CUX2: variants seen among roughly 807,000 people sequenced by gnomAD.
The protein encoded by CUX2 is cut like homeobox 2.
Under a neutral mutation model 144.8 loss-of-function variants are expected in CUX2, and 40 were observed. The ratio of observed to expected loss-of-function variants is 0.28; its 90% CI spans 0.21 to 0.36. The LOEUF is 0.36. Ranked by LOEUF, CUX2 falls within the 10% of genes least tolerant of loss-of-function variation. The pLI is 1.00. For missense variants in CUX2, 1,615 were observed against 1,994.0 expected, an observed-to-expected ratio of 0.81 and a Z score of 3.62; for synonymous variants, 827 against 875.6, an observed-to-expected ratio of 0.94 and a Z score of 0.98.
intron 1 of CUX2, among the ~76,000 whole-genome samples, chr12:111,193,701 C>G (rs747351326): frequency 6.6e-6 from 1 of 152,152 alleles, no homozygotes; most frequent in South Asian, 2.1e-4. Context: ...CGGGGGCTGC[C>G]GGCTGGGCCT....
chr12:111,220,611 A>G (rs908272547), intron 3 of CUX2, among the ~76,000 whole-genome samples: 4 of 151,886 alleles, frequency 2.6e-5, no homozygotes. Flanking sequence ...TAAGGCTAAC[A>G]ATAAGGATTC....
In CUX2 at chr12:111,263,152, C is replaced by G. The variant is rs1405343881; in HGVS notation, c.223-609C>G. Among the ~76,000 whole-genome samples the G allele has an allele frequency of 6.6e-6, 1 of 152,214 alleles. No homozygotes were observed. Among genetic ancestry groups the G allele is most frequent in the Non-Finnish European group, 1.5e-5 (1 of 68,044 alleles). ...TAACCTTCATTTCTCCTTCTTGCCC[C>G]TCCCCTATCCCATGTTTGCACAAGT... On this transcript the variant is annotated intron_variant, in intron 3 of 21. Transcript: ENST00000261726. The surrounding 1 kb of genome is among the most constrained non-coding windows in gnomAD (Gnocchi z 4.0).
At chr12:111,197,338 G>T (rs1880301438) in intron 1 of CUX2, among the ~76,000 whole-genome samples, 1 of 152,156 alleles carries the variant, frequency 6.6e-6, no homozygotes, top group South Asian at 2.1e-4. Context: ...CCCAGGACTG[G>T]ATCAATGCCA....
rs927622031 is a variant in CUX2 at position 111,255,700 on chromosome 12, C to G, written c.223-8061C>G. Among the ~76,000 whole-genome samples the G allele has an allele frequency of 1.3e-5, 2 of 152,200 alleles. No individual in the cohort carries two copies. The highest frequency in any genetic ancestry group is 2.4e-5 in the African/African-American group (1 of 41,444). On this transcript the variant is annotated intron_variant, in intron 3 of 21. Transcript: ENST00000261726. The surrounding 1 kb of genome is among the most constrained non-coding windows in gnomAD (Gnocchi z 4.1). ...TTAAATGGGATAGTCACACCCGCAGCGTGATGAGGGTTAAGCTAATGTGCA... is the reference window on the plus strand; with the variant it reads ...TTAAATGGGATAGTCACACCCGCAGGGTGATGAGGGTTAAGCTAATGTGCA...
intron 3 of CUX2, among the ~76,000 whole-genome samples, chr12:111,262,288 A>C (rs1283847625): frequency 1.3e-5 from 2 of 152,142 alleles, no homozygotes; most frequent in Admixed American, 1.3e-4. Context: ...TTGTTGAGGG[A>C]ATGAGAGACT....
intron 1 of CUX2, among the ~76,000 whole-genome samples, chr12:111,156,999 A>C (rs1240971482): frequency 6.6e-6 from 1 of 150,948 alleles, no homozygotes; most frequent in Non-Finnish European, 1.5e-5. Context: ...AAAAAAAAAA[A>C]AAAAAAAAAA....
intron 3 of CUX2, among the ~76,000 whole-genome samples, chr12:111,262,864 A>G (rs897980480): frequency 6.6e-6 from 1 of 152,208 alleles, no homozygotes; most frequent in Non-Finnish European, 1.5e-5. Context: ...CTCCTAAAAC[A>G]TGTATCATAT....
chr12:111,238,115 G>A (rs929162882), intron 3 of CUX2, among the ~76,000 whole-genome samples: 10 of 152,126 alleles, frequency 6.6e-5, no homozygotes, highest in African/African-American at 1.7e-4. Flanking sequence ...CACTGCCTTG[G>A]GAAGGCCTTC....
chr12:111,095,341 C>T (rs911475898), intron 1 of CUX2, among the ~76,000 whole-genome samples: 17 of 152,090 alleles, frequency 1.1e-4, no homozygotes, highest in African/African-American at 4.1e-4. Context: ...CGTCTGTAGT[C>T]CCAGCTATTC....
In CUX2 at chr12:111,322,253, G is replaced by C. The variant is rs1367958144; in HGVS notation, c.2767-168G>C. ...GAATCATTTGAACCTGGGAGGCGGA[G>C]TTTGCAGTGAGCTGAGATGGTGCCA... On this transcript the variant is annotated intron_variant, in intron 17 of 21. Transcript: ENST00000261726. The surrounding 1 kb of genome is among the most constrained non-coding windows in gnomAD (Gnocchi z 4.2). Among the ~76,000 whole-genome samples, 2 of 149,584 alleles carry C rather than the reference G, an allele frequency of 1.3e-5. No individual in the cohort carries two copies. The highest frequency in any genetic ancestry group is 4.9e-5 in the African/African-American group (2 of 40,700).
intron 1 of CUX2, among the ~76,000 whole-genome samples, chr12:111,111,467 T>C (rs1467375293): frequency 2.0e-5 from 3 of 152,120 alleles, no homozygotes; most frequent in African/African-American, 7.2e-5. Flanking sequence ...GTCTCCCCGA[T>C]CTCCAAGGCC....
rs541551164 is a variant in CUX2 at position 111,233,837 on chromosome 12, T to C, written c.222+15900T>C. 3.5e-4 allele frequency among the ~76,000 whole-genome samples: 54 copies of C among 152,334 alleles called. No homozygotes were observed. The South Asian group carries it at 0.011, about 31-fold the overall frequency. ...AGTCAAAATGGGCTCGTTTCTGTTG[T>C]AACAACTTCAAACACAGATGAGGTT... On this transcript the variant is annotated intron_variant, in intron 3 of 21. Coordinates refer to ENST00000261726, the MANE Select transcript of CUX2 (RefSeq NM_015267.4).
chr12:111,154,591 G>C (rs1358908499), intron 1 of CUX2, among the ~76,000 whole-genome samples: 1 of 152,158 alleles, frequency 6.6e-6, no homozygotes, highest in East Asian at 1.9e-4. Context: ...TCATAATTCT[G>C]GCCCTGCATT....
intron 1 of CUX2, among the ~76,000 whole-genome samples, chr12:111,168,558 T>C (rs1878304468): frequency 6.6e-6 from 1 of 152,202 alleles, no homozygotes; most frequent in Non-Finnish European, 1.5e-5. Context: ...TGGGGACTGA[T>C]TGTTTCCACG....
intron 1 of CUX2, among the ~76,000 whole-genome samples, chr12:111,151,542 TC>T (rs1319459957): frequency 1.3e-5 from 2 of 152,098 alleles, no homozygotes; most frequent in African/African-American, 4.8e-5. Flanking sequence ...CGCAGTTTCG[TC>T]TGGATTTGGG....
intron 1 of CUX2, among the ~76,000 whole-genome samples, chr12:111,056,807 G>A (rs1046240832): frequency 6.6e-6 from 1 of 152,218 alleles, no homozygotes; most frequent in Admixed American, 6.5e-5. Flanking sequence ...CAGTGAGGGC[G>A]ATGGTGGTGG....
At chr12:111,331,733 A>G (rs1888127681) in intron 18 of CUX2, among the ~76,000 whole-genome samples, 1 of 152,132 alleles carries the variant, frequency 6.6e-6, no homozygotes, top group African/African-American at 2.4e-5. Context: ...CAAGCCCCAG[A>G]TATCTTTCAA....
At chr12:111,296,356 C>T (rs1162641045) in intron 7 of CUX2, 117 bp from the exon 8 acceptor site, 2 of 798,372 alleles carry the variant, frequency 2.5e-6, no homozygotes, top group Non-Finnish European at 4.0e-6. Context: ...TCCCTCACTA[C>T]CCGAGCTCTC....
In CUX2 at chr12:111,059,374, T is replaced by C. The variant is rs1254132242; in HGVS notation, c.63+25134T>C. 6.6e-6 allele frequency among the ~76,000 whole-genome samples: 1 copy of C among 152,250 alleles called. No individual in the cohort carries two copies. Among genetic ancestry groups the C allele is most frequent in the Non-Finnish European group, 1.5e-5 (1 of 68,048 alleles). ...AATAACCATATCGCCCAAATGTTCT[T>C]GATAAGGCTAGGTGCCCCTGGCCCC... On this transcript the variant is annotated intron_variant, in intron 1 of 21. Transcript: ENST00000261726. The surrounding 1 kb of genome is among the most constrained non-coding windows in gnomAD (Gnocchi z 5.3).
Sources: gnomAD v4.1 joint callset for allele counts (sites outside exome capture counted in the v4.1 genomes callset) on GRCh38, gnomAD v4.1.1 for gene constraint, Gnocchi (gnomAD v3.1) non-coding constraint, MANE v1.5 for transcripts, NCBI Gene and HGNC (gene_info 2026-07-23, HGNC 2026-07-21) for gene names.